AOPEP: variants seen among roughly 807,000 people sequenced by gnomAD.
AOPEP encodes aminopeptidase O (putative).
Under a neutral mutation model 98.1 loss-of-function variants are expected in AOPEP, and 77 were observed. The observed-to-expected ratio is 0.78, with a 90% CI of 0.65 to 0.95. The LOEUF (loss-of-function observed/expected upper bound fraction) is 0.95, where lower values mean the gene tolerates loss of function less well. Ranked by LOEUF, AOPEP falls within the 40% of genes least tolerant of loss-of-function variation. AOPEP has a pLI of 0.00. For missense variants in AOPEP, 1,024 were observed against 1,024.7 expected (o/e 1.00, Z 0.01); for synonymous variants, 346 against 365.3 (o/e 0.95, Z 0.60).
At chr9:94,887,255 G>A (rs1426584593) in intron 5 of AOPEP, among the ~76,000 whole-genome samples, 1 of 152,118 alleles carries the variant, frequency 6.6e-6, no homozygotes, top group African/African-American at 2.4e-5. Flanking sequence ...AGCTGAGGTG[G>A]GAGGATGGCT....
chr9:94,841,194 C>A (rs1199460699), intron 5 of AOPEP, among the ~76,000 whole-genome samples: 1 of 139,518 alleles, frequency 7.2e-6, no homozygotes, highest in Non-Finnish European at 1.5e-5. Flanking sequence ...TTTTTTGAGA[C>A]GGAGTCTCAC....
chr9:95,055,642 G>A (rs1256259102), intron 13 of AOPEP, among the ~76,000 whole-genome samples: 1 of 152,218 alleles, frequency 6.6e-6, no homozygotes, highest in East Asian at 1.9e-4. Context: ...CTGCTAAGGT[G>A]GTGGGTGTGT....
In AOPEP at chr9:94,979,380, G is replaced by T. The variant is rs1044601351; in HGVS notation, c.1930G>T (p.Val644Phe). 6.2e-6 allele frequency: 10 copies of T among 1,602,036 alleles called. No individual in the cohort carries two copies. The highest frequency in any genetic ancestry group is 1.7e-5 in the Admixed American group (1 of 59,388). The change falls in exon 11 of 17, where the codon GTT becomes TTT. Residue 644 changes from valine to phenylalanine, a missense_variant. Transcript: ENST00000375315. ...TTATTTCTAAAGGCTTGAGCTGTCT[G>T]TTGAAAACATCTACCAAGACTGGCT... is the stretch of plus-strand genomic sequence containing the variant. ...IPEEKRLELS[V>F]ENIYQDWLES...
At chr9:94,951,806 T>C (rs1203244077) in intron 7 of AOPEP, among the ~76,000 whole-genome samples, 1 of 152,204 alleles carries the variant, frequency 6.6e-6, no homozygotes, top group African/African-American at 2.4e-5. Context: ...TGCTGCCTCA[T>C]GGTTGCAAGA....
chr9:94,984,336 A>AT (rs2060386715), intron 11 of AOPEP, among the ~76,000 whole-genome samples: 1 of 152,094 alleles, frequency 6.6e-6, no homozygotes, highest in Non-Finnish European at 1.5e-5. Flanking sequence ...GCCGGAGCTG[A>AT]TTTTTTAATT....
intron 5 of AOPEP, among the ~76,000 whole-genome samples, chr9:94,913,017 C>T (rs1159271636): frequency 6.6e-6 from 1 of 152,232 alleles, no homozygotes; most frequent in Admixed American, 6.5e-5. Context: ...ACATTCCAAA[C>T]AGACCCGGGT....
At chr9:95,149,741 A>T in the AOPEP span, among the ~76,000 whole-genome samples, 1 of 152,098 alleles carries the variant, frequency 6.6e-6, no homozygotes, top group African/African-American at 2.4e-5. Context: ...GGCCTCCCAA[A>T]GTGCTGGGAT....
At chr9:94,875,460 A>G (rs1162862305) in intron 5 of AOPEP, among the ~76,000 whole-genome samples, 1 of 152,142 alleles carries the variant, frequency 6.6e-6, no homozygotes, top group Non-Finnish European at 1.5e-5. Context: ...TGGACCAGAA[A>G]AAGGAAAGTG....
intron 11 of AOPEP, among the ~76,000 whole-genome samples, chr9:94,981,077 G>A (rs2138727359): frequency 6.6e-6 from 1 of 152,326 alleles, no homozygotes; most frequent in African/African-American, 2.4e-5. Context: ...TTAGCCCCTA[G>A]GGAGGGGGAA....
chr9:95,140,476 A>AAAAC, the AOPEP span, among the ~76,000 whole-genome samples: 5 of 151,752 alleles, frequency 3.3e-5, no homozygotes, highest in East Asian at 3.9e-4. Context: ...ATAGCTACAA[A>AAAAC]AAAACAAAAC....
chr9:95,119,352 C>T, the AOPEP span, among the ~76,000 whole-genome samples: 1 of 132,682 alleles, frequency 7.5e-6, no homozygotes, highest in African/African-American at 2.9e-5. Flanking sequence ...TCAGTTCCTT[C>T]TTTCTTCCTT....
At chr9:94,945,338 G>A (rs993584865) in intron 7 of AOPEP, among the ~76,000 whole-genome samples, 2 of 151,984 alleles carry the variant, frequency 1.3e-5, no homozygotes, top group South Asian at 2.1e-4. Flanking sequence ...TGAATGTTCC[G>A]TTACTAACCA....
At chr9:94,950,937 A>G (rs890788320) in intron 7 of AOPEP, among the ~76,000 whole-genome samples, 2 of 152,196 alleles carry the variant, frequency 1.3e-5, no homozygotes, top group African/African-American at 4.8e-5. Flanking sequence ...TTTCTTCAGG[A>G]GGCCCGATTC....
intron 4 of AOPEP, among the ~76,000 whole-genome samples, chr9:94,798,929 T>G (rs1847633636): frequency 6.6e-6 from 1 of 152,208 alleles, no homozygotes; most frequent in African/African-American, 2.4e-5. Flanking sequence ...AAAGCAAGGT[T>G]ATCAATCCAG....
intron 5 of AOPEP, among the ~76,000 whole-genome samples, chr9:94,875,356 A>AAAAAAAAAAAAG (rs1564301920): frequency 4.0e-5 from 6 of 149,232 alleles, no homozygotes; most frequent in African/African-American, 1.5e-4. Context: ...AGAAAAAAAA[A>AAAAAAAAAAAAG]AAAAAAAAAA....
chr9:94,795,927 A>G (rs1846826559), intron 4 of AOPEP, among the ~76,000 whole-genome samples: 1 of 152,204 alleles, frequency 6.6e-6, no homozygotes, highest in Non-Finnish European at 1.5e-5. Flanking sequence ...GCTGGACTGA[A>G]GGAATACTCA....
intron 6 of AOPEP, among the ~76,000 whole-genome samples, chr9:94,928,069 C>T (rs974152766): frequency 5.9e-5 from 9 of 152,152 alleles, no homozygotes; most frequent in Non-Finnish European, 8.8e-5. Context: ...CTTCCCCATC[C>T]TGTGCAGAAA....
intron 14 of AOPEP, 165 bp downstream of exon 14, chr9:95,060,975 A>G: frequency 1.7e-6 from 1 of 586,796 alleles, no homozygotes; most frequent in South Asian, 2.1e-5. Context: ...GATTATGCTT[A>G]TGCTTCTAAT....
Position 94,928,526 on chromosome 9 carries a change from G to A in AOPEP, c.1656G>A (p.Val552=), listed in dbSNP as rs575942115. ...AATGCTCCCCCGAGGAGATGCAGGT[G>A]TTAAGGTAAAGCTGCATGGTGATCC... is the stretch of plus-strand genomic sequence containing the variant. The part of the protein sequence containing the change: ...EMQCSPEEMQ[V]LRPSKDKTGH... The change falls in exon 7 of 17, where the codon GTG becomes GTA. Residue 552 remains valine, a synonymous_variant. Coordinates refer to ENST00000375315, the MANE Select transcript of AOPEP (RefSeq NM_001193329.3). 1.9e-6 allele frequency: 3 copies of A among 1,548,328 alleles called. 1 individual carries two copies. The highest frequency in any genetic ancestry group is 2.4e-5 in the South Asian group (2 of 84,032).
Sources: allele counts gnomAD v4.1 joint callset (sites outside exome capture counted in the v4.1 genomes callset), GRCh38; gene constraint gnomAD v4.1.1; transcripts MANE v1.5; gene names NCBI Gene and HGNC (gene_info 2026-07-23, HGNC 2026-07-21).